Variants in BCDIN3D observed in about 807,000 individuals in gnomAD.
BCDIN3D encodes RNA 5'-monophosphate methyltransferase.
In BCDIN3D, 15 loss-of-function variants were observed where a neutral mutation model predicts 21.2. The observed-to-expected ratio is 0.71, with a 90% CI of 0.47 to 1.09. The LOEUF is 1.09. BCDIN3D is among the 50% of genes least tolerant of loss of function. BCDIN3D has a pLI of 0.00. For missense variants in BCDIN3D, 331 were observed against 366.2 expected (o/e 0.90, Z 0.79); for synonymous variants, 127 against 141.9 (o/e 0.90, Z 0.75).
At position 49,843,061 on chromosome 12, in the gene BCDIN3D, T is replaced by A; in HGVS notation, c.27A>T (p.Gly9=). The change falls in exon 1 of 2, where the codon GGA becomes GGT. Residue 9 remains glycine, a synonymous_variant. Coordinates refer to ENST00000333924, the MANE Select transcript of BCDIN3D (RefSeq NM_181708.3). MAVPTELD[G]GSVKETAAEE... The stretch of plus-strand genomic sequence containing the variant: ...CCGCTGCGGTCTCCTTAACACTCCC[T>A]CCATCCAGTTCCGTGGGCACCGCCA... The A allele has an allele frequency of 6.2e-7, 1 of 1,613,920 alleles. No homozygotes were observed. The highest frequency in any genetic ancestry group is 1.1e-5 in the South Asian group (1 of 91,064).
rs757839061 is a variant in BCDIN3D at position 49,837,846 on chromosome 12, CTG to C, written c.*523_*524del. 1.3e-5 allele frequency: 2 copies of C among 152,204 alleles called. No homozygotes were observed. The highest frequency in any genetic ancestry group is 2.4e-5 in the African/African-American group (1 of 41,508). 9.4% of individuals were successfully genotyped at this position (152,204 alleles called of 1,614,324 possible). ...GATGGGATTTCCACGTTCTGAAAAA[CTG>C]TACTTAAAAACGGTTAAAATGGTAA... On this transcript the variant is annotated 3_prime_UTR_variant, in exon 2 of 2. Transcript: ENST00000333924.
At chr12:49,841,438 C>G (rs2137062664) in intron 1 of BCDIN3D, among the ~76,000 whole-genome samples, 1 of 152,264 alleles carries the variant, frequency 6.6e-6, no homozygotes, top group East Asian at 1.9e-4. Context: ...CAGAAAGCTC[C>G]ATAAACGTAC....
rs1946519917 is a variant in BCDIN3D, at chr12:49,837,784, T to A, written c.*587A>T. 1 of 152,020 alleles carries A rather than the reference T, an allele frequency of 6.6e-6. No individual in the cohort carries two copies. Among genetic ancestry groups the A allele is most frequent in the South Asian group, 2.1e-4 (1 of 4,834 alleles). The allele number at this position is 152,020 out of a possible 1,614,324, so 9.4% of individuals were successfully genotyped here. Reference sequence around the variant, plus strand: ...ACAAAATTGTATACTTTTAAAAAAATTATCAATTTATCTTTTAATTTTTTA... The same window carrying A: ...ACAAAATTGTATACTTTTAAAAAAAATATCAATTTATCTTTTAATTTTTTA... On this transcript the variant is annotated 3_prime_UTR_variant, in exon 2 of 2. Coordinates refer to ENST00000333924, the MANE Select transcript of BCDIN3D (RefSeq NM_181708.3).
At position 49,838,639 on chromosome 12, in the gene BCDIN3D, C is replaced by T. The variant is rs751096413; in HGVS notation, c.611G>A (p.Arg204Gln). 155 of 1,613,656 alleles carry T rather than the reference C, an allele frequency of 9.6e-5. 1 individual carries two copies. The highest frequency in any genetic ancestry group is 1.2e-4 in the Non-Finnish European group (146 of 1,179,790). The stretch of plus-strand genomic sequence containing the variant: ...CTTTCGGAGACGCCTTGCAGCTGCC[C>T]GGTAACACTTCCAGGGTTGGGGCTC... ...LVEPQPWKCY[R>Q]AAARRLRKLG... The change falls in exon 2 of 2, where the codon CGG becomes CAG. Residue 204 changes from arginine to glutamine, a missense_variant. By Grantham distance (43) the Arg-to-Gln change is conservative (BLOSUM62 1). Coordinates refer to ENST00000333924, the MANE Select transcript of BCDIN3D (RefSeq NM_181708.3).
Position 49,837,348 on chromosome 12 carries a change from C to CACTA in BCDIN3D, c.*1022_*1023insTAGT, listed in dbSNP as rs1391344489. 4.0e-5 allele frequency: 5 copies of CACTA among 124,592 alleles called. No individual in the cohort carries two copies. The highest frequency in any genetic ancestry group is 7.9e-5 in the Non-Finnish European group (5 of 63,284). 7.7% of individuals were successfully genotyped at this position (124,592 alleles called of 1,614,324 possible). ...TGTCGCCCAGGCTGGAGTGCAGTGG[C>CACTA]GGGATCTCGGCTCACTGCAAGCTCC... On this transcript the variant is annotated 3_prime_UTR_variant, in exon 2 of 2. Coordinates refer to ENST00000333924, the MANE Select transcript of BCDIN3D (RefSeq NM_181708.3).
Position 49,838,065 on chromosome 12 carries a change from T to A in BCDIN3D, c.*306A>T. The A allele has an allele frequency of 3.7e-6, 1 of 269,738 alleles. No homozygotes were observed. The highest frequency in any genetic ancestry group is 5.7e-5 in the South Asian group (1 of 17,554). 16.7% of individuals were successfully genotyped at this position (269,738 alleles called of 1,614,324 possible). On this transcript the variant is annotated 3_prime_UTR_variant, in exon 2 of 2. Coordinates refer to ENST00000333924, the MANE Select transcript of BCDIN3D (RefSeq NM_181708.3). ...GAACTGACATATTTTAAGACTAGCCTAGTCTGATCTTTATAAATAATCCCC... is the reference window on the plus strand; with the variant it reads ...GAACTGACATATTTTAAGACTAGCCAAGTCTGATCTTTATAAATAATCCCC...
intron 1 of BCDIN3D, chr12:49,842,602 T>G (rs1565604821): frequency 6.5e-6 from 3 of 463,114 alleles, no homozygotes; most frequent in Non-Finnish European, 1.2e-5. Flanking sequence ...CAAGGACCGT[T>G]CCCACCTGGG....
chr12:49,842,907 C>A lies in BCDIN3D; in HGVS notation c.181G>T (p.Glu61Ter), dbSNP rs1323550882. 6.2e-7 allele frequency: 1 copy of A among 1,613,696 alleles called. No homozygotes were observed. Among genetic ancestry groups the A allele is most frequent in the Non-Finnish European group, 8.5e-7 (1 of 1,179,714 alleles). The change falls in exon 1 of 2, where the codon GAG (glutamate) becomes TAG (stop). Residue 61 changes from glutamate (E) to a stop codon, truncating the protein, a stop_gained. Coordinates refer to ENST00000333924, the MANE Select transcript of BCDIN3D (RefSeq NM_181708.3). LOFTEE classifies it high-confidence loss of function. The part of the protein sequence containing the change: ...PPELLRQLFP[E>*]SPENGPILGL... ...AGAATCGGCCCGTTCTCGGGACTCT[C>A]AGGAAAGAGCTGTCGAAGCAGCTCC...
In BCDIN3D at chr12:49,838,786, C is replaced by T. The variant is rs748151459; in HGVS notation, c.464G>A (p.Arg155His). The change falls in exon 2 of 2, where the codon CGT becomes CAT. Residue 155 changes from arginine to histidine, a missense_variant. Coordinates refer to ENST00000333924, the MANE Select transcript of BCDIN3D (RefSeq NM_181708.3). ...LLSSFLSQFGRSVFDIGFCMS... is the reference protein window; with the variant it reads ...LLSSFLSQFGHSVFDIGFCMS... ...GCAGAAGCCAATGTCAAAAACTGAACGTCCAAATTGGCTTAAGAAAGAGCT... is the reference window on the plus strand; with the variant it reads ...GCAGAAGCCAATGTCAAAAACTGAATGTCCAAATTGGCTTAAGAAAGAGCT... 1.5e-5 allele frequency: 24 copies of T among 1,614,052 alleles called. No homozygotes were observed. The highest frequency in any genetic ancestry group is 4.5e-5 in the East Asian group (2 of 44,898).
At position 49,837,812 on chromosome 12, in the gene BCDIN3D, C is replaced by A. The variant is rs1249513010; in HGVS notation, c.*559G>T. On this transcript the variant is annotated 3_prime_UTR_variant, in exon 2 of 2. Coordinates refer to ENST00000333924, the MANE Select transcript of BCDIN3D (RefSeq NM_181708.3). ...TCAATTTATCTTTTAATTTTTTAAT[C>A]CAATTTTTGATGGGATTTCCACGTT... The A allele has an allele frequency of 6.6e-6, 1 of 151,942 alleles. No homozygotes were observed. Among genetic ancestry groups the A allele is most frequent in the Admixed American group, 6.6e-5 (1 of 15,254 alleles). The allele number at this position is 151,942 out of a possible 1,614,324, so 9.4% of individuals were successfully genotyped here.
chr12:49,838,653 GGGTTGGGGCTCCACAA>G lies in BCDIN3D; in HGVS notation c.581_596del (p.Leu194ProfsTer40). The G allele has an allele frequency of 6.2e-7, 1 of 1,613,946 alleles. No individual in the cohort carries two copies. The highest frequency in any genetic ancestry group is 8.5e-7 in the Non-Finnish European group (1 of 1,179,812). On this transcript the variant is annotated frameshift_variant, in exon 2 of 2. Coordinates refer to ENST00000333924, the MANE Select transcript of BCDIN3D (RefSeq NM_181708.3). LOFTEE classifies it high-confidence loss of function. Reference sequence around the variant, plus strand: ...TTGCAGCTGCCCGGTAACACTTCCAGGGTTGGGGCTCCACAAGGAGGTAGTGGCAGAGGGAGGAAAG... The same window carrying G: ...TTGCAGCTGCCCGGTAACACTTCCAGGGAGGTAGTGGCAGAGGGAGGAAAG...
intron 1 of BCDIN3D, chr12:49,840,427 G>A (rs1485162044): frequency 6.6e-6 from 1 of 152,200 alleles, no homozygotes; most frequent in Non-Finnish European, 1.5e-5. Flanking sequence ...ACAACAGAAG[G>A]CTAGTTGTTA....
Position 49,842,995 on chromosome 12 carries a change from G to A in BCDIN3D, c.93C>T (p.Phe31=), listed in dbSNP as rs138733708. 2.8e-4 allele frequency: 446 copies of A among 1,614,208 alleles called. 1 individual carries two copies. Among genetic ancestry groups the A allele is most frequent in the South Asian group, 7.4e-4 (67 of 91,086 alleles). Residue 31 remains phenylalanine (F), a synonymous_variant, in exon 1 of 2, where the codon TTC becomes TTT. Coordinates refer to ENST00000333924, the MANE Select transcript of BCDIN3D (RefSeq NM_181708.3). Reference sequence around the variant, plus strand: ...AGCGAGAATAATGAGGAAAATTTCCGAACGGGGCGGCGCCAGGTGCCAGAA... The same window carrying A: ...AGCGAGAATAATGAGGAAAATTTCCAAACGGGGCGGCGCCAGGTGCCAGAA... ...SRVLAPGAAP[F]GNFPHYSRFH...
intron 1 of BCDIN3D, chr12:49,842,641 T>C (rs1259276192): frequency 5.6e-6 from 3 of 533,772 alleles, no homozygotes; most frequent in Non-Finnish European, 9.9e-6. Context: ...AGTGGGAACG[T>C]AGTCGACAAG....
Position 49,838,677 on chromosome 12 carries a change from G to A in BCDIN3D, c.573C>T (p.His191=). The change falls in exon 2 of 2, where the codon CAC becomes CAT. Residue 191 remains histidine, a synonymous_variant. Transcript: ENST00000333924. ...EFLAHLSSLC[H]YLLVEPQPWK... ...AGGGTTGGGGCTCCACAAGGAGGTAGTGGCAGAGGGAGGAAAGATGGGCCA... is the reference window on the plus strand; with the variant it reads ...AGGGTTGGGGCTCCACAAGGAGGTAATGGCAGAGGGAGGAAAGATGGGCCA... The A allele has an allele frequency of 6.2e-7, 1 of 1,613,940 alleles. No individual in the cohort carries two copies. The highest frequency in any genetic ancestry group is 1.3e-5 in the African/African-American group (1 of 75,064).
rs1190786572 is a variant in BCDIN3D at position 49,838,152 on chromosome 12, A to G, written c.*219T>C. The G allele has an allele frequency of 1.9e-5, 10 of 531,562 alleles. No individual in the cohort carries two copies. Among genetic ancestry groups the G allele is most frequent in the Non-Finnish European group, 3.0e-5 (9 of 303,670 alleles). 32.9% of individuals were successfully genotyped at this position (531,562 alleles called of 1,614,324 possible). On this transcript the variant is annotated 3_prime_UTR_variant, in exon 2 of 2. Coordinates refer to ENST00000333924, the MANE Select transcript of BCDIN3D (RefSeq NM_181708.3). Reference sequence around the variant, plus strand: ...CTTTTCCTAGGCCATCTCAATCCAGATATCCTAGCTCATCACTCCACAGAT... The same window carrying G: ...CTTTTCCTAGGCCATCTCAATCCAGGTATCCTAGCTCATCACTCCACAGAT...
chr12:49,837,598 G>A lies in BCDIN3D; in HGVS notation c.*773C>T, dbSNP rs1946518332. The A allele has an allele frequency of 6.6e-6, 1 of 152,108 alleles. No individual in the cohort carries two copies. Among genetic ancestry groups the A allele is most frequent in the Non-Finnish European group, 1.5e-5 (1 of 68,092 alleles). 9.4% of individuals were successfully genotyped at this position (152,108 alleles called of 1,614,324 possible). ...CACCGCGCCCGGCCGCATGTAGGTA[G>A]TTGTTAAAACCATAGGGAAGAACTC... is the stretch of plus-strand genomic sequence containing the variant. On this transcript the variant is annotated 3_prime_UTR_variant, in exon 2 of 2. Coordinates refer to ENST00000333924, the MANE Select transcript of BCDIN3D (RefSeq NM_181708.3).
Position 49,843,065 on chromosome 12 carries a change from T to C in BCDIN3D, c.23A>G (p.Asp8Gly), listed in dbSNP as rs143608766. 2.8e-3 allele frequency: 4,463 copies of C among 1,613,930 alleles called. 154 individuals carry two copies. The Admixed American group carries it at 0.064, about 23-fold the overall frequency. Residue 8 changes from aspartate to glycine, a missense_variant, in exon 1 of 2, where the codon GAT becomes GGT. Physicochemically the swap from Asp to Gly is moderately conservative, Grantham distance 94. Transcript: ENST00000333924. ...TGCGGTCTCCTTAACACTCCCTCCA[T>C]CCAGTTCCGTGGGCACCGCCATTAG... is the stretch of plus-strand genomic sequence containing the variant. The part of the protein sequence containing the change: MAVPTEL[D>G]GGSVKETAAE...
At position 49,838,298 on chromosome 12, in the gene BCDIN3D, A is replaced by G. The variant is rs1236273060; in HGVS notation, c.*73T>C. On this transcript the variant is annotated 3_prime_UTR_variant, in exon 2 of 2. Transcript: ENST00000333924. ...TTTGCGGCTGCCTGATTGTTAAGGA[A>G]TTAAGGAGAATGAACATAATTCTCA... The G allele has an allele frequency of 6.8e-7, 1 of 1,466,552 alleles. No individual in the cohort carries two copies. The highest frequency in any genetic ancestry group is 9.1e-7 in the Non-Finnish European group (1 of 1,095,560). 90.8% of individuals were successfully genotyped at this position (1,466,552 alleles called of 1,614,324 possible).
Sources: gnomAD v4.1 joint callset for allele counts (sites outside exome capture counted in the v4.1 genomes callset) on GRCh38, gnomAD v4.1.1 for gene constraint, MANE v1.5 for transcripts, NCBI Gene and HGNC (gene_info 2026-07-23, HGNC 2026-07-21) for gene names.